CHLSN: variants seen among roughly 807,000 people sequenced by gnomAD.
The protein encoded by CHLSN is cholesin.
the CHLSN span, among the ~76,000 whole-genome samples, chr7:990,477 A>C: frequency 4.6e-5 from 7 of 151,866 alleles, no homozygotes; most frequent in East Asian, 1.4e-3. Flanking sequence ...CCCCTCACCG[A>C]GAAGAGAGGA....
the CHLSN span, among the ~76,000 whole-genome samples, chr7:1,038,370 G>T: frequency 1.1e-5 from 1 of 92,348 alleles, no homozygotes; most frequent in Non-Finnish European, 2.3e-5. Context: ...CTGCCCGGCC[G>T]CCCCTACTGG....
the CHLSN span, among the ~76,000 whole-genome samples, chr7:1,110,130 C>G: frequency 2.6e-5 from 4 of 152,190 alleles, no homozygotes; most frequent in Admixed American, 2.6e-4. Context: ...GACCTCGCGC[C>G]GGCCGAGGCA....
the CHLSN span, among the ~76,000 whole-genome samples, chr7:1,027,334 A>C: frequency 1.3e-5 from 2 of 152,256 alleles, no homozygotes; most frequent in Non-Finnish European, 2.9e-5. Flanking sequence ...CGTGAGGCCC[A>C]GCAGCAGGCT....
At chr7:1,124,383 G>A in the CHLSN span, among the ~76,000 whole-genome samples, 1 of 151,542 alleles carries the variant, frequency 6.6e-6, no homozygotes, top group Non-Finnish European at 1.5e-5. Flanking sequence ...AAAAAGTCCA[G>A]GGTGACGCCG....
chr7:985,308 G>A, the CHLSN span: 1 of 1,551,058 alleles, frequency 6.4e-7, no homozygotes, highest in Non-Finnish European at 8.7e-7. Context: ...TCCTCTTGGG[G>A]TCCCCTGGCC....
chr7:1,000,608 G>T, the CHLSN span: 1 of 1,420,088 alleles, frequency 7.0e-7, no homozygotes, highest in Non-Finnish European at 9.8e-7. Context: ...CCGGGCAGCT[G>T]TCTGCCCTGA....
chr7:1,094,940 C>T, the CHLSN span, among the ~76,000 whole-genome samples: 1 of 152,152 alleles, frequency 6.6e-6, no homozygotes, highest in African/African-American at 2.4e-5. Context: ...TCATAAATGG[C>T]TCACCGGGAA....
the CHLSN span, among the ~76,000 whole-genome samples, chr7:1,131,200 A>C: frequency 6.6e-6 from 1 of 151,694 alleles, no homozygotes; most frequent in East Asian, 1.9e-4. Context: ...TTAAAAAAAA[A>C]AAAAAAAAAA....
At chr7:1,057,259 TC>T in the CHLSN span, among the ~76,000 whole-genome samples, 1 of 151,824 alleles carries the variant, frequency 6.6e-6, no homozygotes, top group East Asian at 1.9e-4. Context: ...CCCTCTCTGG[TC>T]CCCAACCCCA....
the CHLSN span, among the ~76,000 whole-genome samples, chr7:1,131,191 TAAAAA>T: frequency 0.2 from 23,856 of 117,220 alleles, 2,952 homozygotes; most frequent in African/African-American, 0.36. Flanking sequence ...ACCTTGTGTT[TAAAAA>T]AAAAAAAAAA....
At chr7:1,117,561 C>T in the CHLSN span, among the ~76,000 whole-genome samples, 14 of 140,294 alleles carry the variant, frequency 1.0e-4, no homozygotes, top group African/African-American at 2.9e-4. Flanking sequence ...CCAATGTCCA[C>T]GCAGGATGAT....
chr7:1,098,322 G>A, the CHLSN span, among the ~76,000 whole-genome samples: 955 of 152,340 alleles, frequency 6.3e-3, 10 homozygotes, highest in African/African-American at 0.022. Context: ...GCATTTGTTC[G>A]TGAATGTCCA....
the CHLSN span, chr7:1,092,934 C>T: frequency 1.1e-4 from 142 of 1,339,060 alleles, 1 homozygote; most frequent in Non-Finnish European, 1.4e-4. Flanking sequence ...GGCACGGCCA[C>T]GTCATGTCTC....
chr7:1,065,934 T>TC, the CHLSN span, among the ~76,000 whole-genome samples: 1 of 152,194 alleles, frequency 6.6e-6, no homozygotes, highest in African/African-American at 2.4e-5. Flanking sequence ...GTTCTGGAGC[T>TC]CCCTCCAGTG....
chr7:1,036,301 G>A, the CHLSN span, among the ~76,000 whole-genome samples: 368 of 152,094 alleles, frequency 2.4e-3, 2 homozygotes, highest in African/African-American at 8.5e-3. Context: ...TCGGGTGCTC[G>A]TGCTGTGGCC....
the CHLSN span, among the ~76,000 whole-genome samples, chr7:1,102,715 G>C: frequency 1.3e-5 from 2 of 152,202 alleles, no homozygotes; most frequent in Non-Finnish European, 2.9e-5. Context: ...GCCCCTTTCC[G>C]TGAGGGTGGG....
At chr7:1,124,302 G>A in the CHLSN span, among the ~76,000 whole-genome samples, 2 of 151,860 alleles carry the variant, frequency 1.3e-5, no homozygotes, top group East Asian at 1.9e-4. Flanking sequence ...AGTGACCAGC[G>A]GCCTGTGTGG....
the CHLSN span, among the ~76,000 whole-genome samples, chr7:1,032,912 C>T: frequency 6.6e-6 from 1 of 152,244 alleles, no homozygotes; most frequent in Non-Finnish European, 1.5e-5. Context: ...CCTGCACGCT[C>T]CTCACTACCC....
At chr7:1,135,899 G>GTATATACAAAAA in the CHLSN span, among the ~76,000 whole-genome samples, 1 of 119,106 alleles carries the variant, frequency 8.4e-6, no homozygotes, top group African/African-American at 3.4e-5. Flanking sequence ...AAATATATAA[G>GTATATACAAAAA]TATATATAAA....
Sources: gnomAD v4.1 joint callset for allele counts (sites outside exome capture counted in the v4.1 genomes callset) on GRCh38, gnomAD v4.1.1 for gene constraint, MANE v1.5 for transcripts, NCBI Gene and HGNC (gene_info 2026-07-23, HGNC 2026-07-21) for gene names.